Variants in MSRA observed in about 807,000 individuals in gnomAD.
The protein encoded by MSRA is mitochondrial peptide methionine sulfoxide reductase.
In MSRA, 54 loss-of-function variants were observed where a neutral mutation model predicts 31.3. That is an observed-to-expected ratio of 1.73 (90% CI 1.39 to 2.17). The LOEUF is 2.17. Among genes scored for constraint, MSRA ranks in the 30% most tolerant of loss-of-function variants. The pLI is 0.00. For synonymous variants in MSRA, 169 were observed against 116.5 expected (o/e 1.45, Z -2.90); for missense variants, 507 against 300.9 (o/e 1.69, Z -5.07).
chr8:10,384,350 A>G (rs1298599998), intron 5 of MSRA, among the ~76,000 whole-genome samples: 1 of 152,246 alleles, frequency 6.6e-6, no homozygotes, highest in Admixed American at 6.5e-5. Flanking sequence ...GAAAAGCCAG[A>G]GCTCCTGCCT....
At chr8:10,110,992 T>C (rs1800236987) in intron 1 of MSRA, among the ~76,000 whole-genome samples, 1 of 152,232 alleles carries the variant, frequency 6.6e-6, no homozygotes, top group Admixed American at 6.5e-5. Flanking sequence ...CACATTTTTA[T>C]GTAGGTTCTG....
intron 1 of MSRA, among the ~76,000 whole-genome samples, chr8:10,166,406 G>C (rs1805128939): frequency 6.6e-6 from 1 of 152,114 alleles, no homozygotes; most frequent in Admixed American, 6.6e-5. Flanking sequence ...TCATATGTGT[G>C]TATGTGTTTG....
intron 5 of MSRA, among the ~76,000 whole-genome samples, chr8:10,364,554 A>G (rs1431449588): frequency 6.6e-6 from 1 of 152,246 alleles, no homozygotes; most frequent in Non-Finnish European, 1.5e-5. Flanking sequence ...CCTAATTCTC[A>G]TACACCAAAA....
At chr8:10,276,345 C>T (rs1001902456) in intron 3 of MSRA, among the ~76,000 whole-genome samples, 1 of 152,166 alleles carries the variant, frequency 6.6e-6, no homozygotes, top group Admixed American at 6.5e-5. Flanking sequence ...GTAATTGTTA[C>T]AGGGCCCTTT....
At chr8:10,172,576 C>G (rs1805684712) in intron 1 of MSRA, among the ~76,000 whole-genome samples, 1 of 151,936 alleles carries the variant, frequency 6.6e-6, no homozygotes, top group African/African-American at 2.4e-5. Context: ...AATATTTGAC[C>G]TAAAAATAAA....
intron 1 of MSRA, among the ~76,000 whole-genome samples, chr8:10,100,021 G>A (rs574946960): frequency 6.6e-4 from 101 of 152,310 alleles, no homozygotes; most frequent in African/African-American, 2.3e-3. Context: ...GGTGAGGGCA[G>A]TTGTGCAGAG....
chr8:10,274,370 A>C (rs2129102578), intron 3 of MSRA, among the ~76,000 whole-genome samples: 1 of 152,300 alleles, frequency 6.6e-6, no homozygotes, highest in African/African-American at 2.4e-5. Context: ...AGGGACAGTT[A>C]TGGGAAAGCA....
At chr8:10,284,958 T>C (rs376125878) in intron 3 of MSRA, among the ~76,000 whole-genome samples, 6 of 151,944 alleles carry the variant, frequency 3.9e-5, no homozygotes, top group African/African-American at 1.5e-4. Context: ...TTTAAAGACA[T>C]TCGTGTAGCA....
chr8:10,121,353 C>T (rs1179198686), intron 1 of MSRA, among the ~76,000 whole-genome samples: 1 of 152,162 alleles, frequency 6.6e-6, no homozygotes, highest in Admixed American at 6.5e-5. Context: ...GTGCATCCAC[C>T]TGAGGCTGGA....
intron 2 of MSRA, among the ~76,000 whole-genome samples, chr8:10,241,751 C>G (rs963645179): frequency 2.1e-5 from 3 of 142,856 alleles, no homozygotes; most frequent in Non-Finnish European, 4.7e-5. Context: ...ATCCATAGCC[C>G]CACCTCTAGT....
chr8:10,256,359 G>A (rs748954082), intron 3 of MSRA, among the ~76,000 whole-genome samples: 1 of 152,130 alleles, frequency 6.6e-6, no homozygotes, highest in Non-Finnish European at 1.5e-5. Context: ...CAGTTTGCTT[G>A]TCTATTCCCC....
chr8:10,227,424 C>G (rs71516562), intron 2 of MSRA, among the ~76,000 whole-genome samples: 1 of 152,096 alleles, frequency 6.6e-6, no homozygotes, highest in South Asian at 2.1e-4. Flanking sequence ...TGAGCTTTGA[C>G]TGAACACTTG....
chr8:10,129,564 G>T (rs60517239), intron 1 of MSRA, among the ~76,000 whole-genome samples: 8,169 of 152,050 alleles, frequency 0.054, 727 homozygotes, highest in African/African-American at 0.18. Context: ...AAGAGAAGGG[G>T]AAGACCAGCT....
In MSRA at chr8:10,208,012, T is replaced by C. The variant is rs1809152466; in HGVS notation, c.211+111T>C. The stretch of plus-strand genomic sequence containing the variant: ...TTCAAAATCTGGGCTCTTCTAGATA[T>C]TTACAAGTTGTTACAGCCAAGAAAA... On this transcript the variant is annotated intron_variant, in intron 2 of 5. Coordinates refer to ENST00000317173, the MANE Select transcript of MSRA (RefSeq NM_012331.5). 3.9e-6 allele frequency: 3 copies of C among 764,944 alleles called. 1 individual carries two copies. In the South Asian group the frequency reaches 6.2e-5, roughly 16 times the overall value. 47.4% of individuals were successfully genotyped at this position (764,944 alleles called of 1,614,324 possible).
chr8:10,078,959 G>T (rs1226709686), intron 1 of MSRA, among the ~76,000 whole-genome samples: 1 of 152,170 alleles, frequency 6.6e-6, no homozygotes, highest in Non-Finnish European at 1.5e-5. Flanking sequence ...TTTCATGTGA[G>T]CCACACTTAG....
intron 1 of MSRA, among the ~76,000 whole-genome samples, chr8:10,061,754 T>A (rs1454119467): frequency 6.6e-6 from 1 of 152,214 alleles, no homozygotes; most frequent in African/African-American, 2.4e-5. Flanking sequence ...CCATGGGGCA[T>A]GTTCCGAGTT....
chr8:10,287,494 G>C (rs1198578999), intron 3 of MSRA, among the ~76,000 whole-genome samples: 2 of 152,154 alleles, frequency 1.3e-5, no homozygotes, highest in Admixed American at 1.3e-4. Context: ...CTCAAGTCAG[G>C]AAAAGTCCAG....
intron 1 of MSRA, among the ~76,000 whole-genome samples, chr8:10,149,748 A>C (rs192532886): frequency 5.0e-4 from 75 of 149,104 alleles, no homozygotes; most frequent in African/African-American, 1.8e-3. Flanking sequence ...TGAAATACGT[A>C]AATAATAGCA....
At chr8:10,110,545 G>T (rs1800203692) in intron 1 of MSRA, among the ~76,000 whole-genome samples, 1 of 152,180 alleles carries the variant, frequency 6.6e-6, no homozygotes, top group South Asian at 2.1e-4. Flanking sequence ...TGCCTTTGAA[G>T]ATTTTCTTTC....
Sources: allele counts gnomAD v4.1 joint callset (sites outside exome capture counted in the v4.1 genomes callset), GRCh38; gene constraint gnomAD v4.1.1; transcripts MANE v1.5; gene names NCBI Gene and HGNC (gene_info 2026-07-23, HGNC 2026-07-21).